The following GBF1 variants were observed in gnomAD, a reference collection of about 807,000 sequenced individuals.
The protein encoded by GBF1 is Golgi-specific brefeldin A-resistance guanine nucleotide exchange factor 1.
A neutral mutation model predicts 210.5 loss-of-function variants in GBF1; 114 were observed. That is an observed-to-expected ratio of 0.54 (90% CI 0.47 to 0.63). The LOEUF is 0.63. Among genes scored for constraint, GBF1 ranks in the 30% least tolerant of loss-of-function variants. The pLI is 0.00. For missense variants in GBF1, 1,851 were observed against 2,357.7 expected, an observed-to-expected ratio of 0.79 and a Z score of 4.45; for synonymous variants, 850 against 889.2, an observed-to-expected ratio of 0.96 and a Z score of 0.78.
chr10:102,370,023 C>T (rs938254653), intron 26 of GBF1, 39 bp downstream of exon 26: 10 of 1,609,876 alleles, frequency 6.2e-6, no homozygotes, highest in Non-Finnish European at 8.5e-6. Context: ...AGCCTAAACA[C>T]CTTCCTATTA....
chr10:102,363,431 A>C lies in GBF1; in HGVS notation c.2017+35A>C. 6.3e-7 allele frequency: 1 copy of C among 1,587,990 alleles called. No individual in the cohort carries two copies. The highest frequency in any genetic ancestry group is 8.6e-7 in the Non-Finnish European group (1 of 1,162,576). The stretch of plus-strand genomic sequence containing the variant: ...GGGTGTCCATGACCCTAAGCTCCTC[A>C]CCTGGAGGGCCTGGTGAAGAGCAGA... On this transcript the variant is annotated intron_variant, in intron 16 of 39. Transcript: ENST00000369983. The surrounding 1 kb of genome is among the most constrained non-coding windows in gnomAD (Gnocchi z 4.2).
chr10:102,379,428 C>T lies in GBF1; in HGVS notation c.4639C>T (p.Leu1547=), dbSNP rs1279752895. The T allele has an allele frequency of 6.2e-7, 1 of 1,614,000 alleles. No individual in the cohort carries two copies. The highest frequency in any genetic ancestry group is 1.3e-5 in the African/African-American group (1 of 74,910). The change falls in exon 34 of 40, where the codon CTG becomes TTG. Residue 1547 remains leucine, a synonymous_variant. Transcript: ENST00000369983. The part of the protein sequence containing the change: ...TLWAHCWCPL[L]QGIACLCCDA... ...CTGGGCCCACTGCTGGTGCCCTTTA[C>T]TGCAGGGTAAACCAGGAGGGGCAGA...
chr10:102,297,901 G>A (rs2077035445), intron 3 of GBF1, among the ~76,000 whole-genome samples: 1 of 152,108 alleles, frequency 6.6e-6, no homozygotes, highest in Non-Finnish European at 1.5e-5. Flanking sequence ...TACCTGGAAT[G>A]AAAGAGTTGA....
At chr10:102,239,704 G>T in the GBF1 span, among the ~76,000 whole-genome samples, 2 of 152,214 alleles carry the variant, frequency 1.3e-5, no homozygotes, top group Non-Finnish European at 2.9e-5. Context: ...ACTTGTCCTT[G>T]TGAAAACTCA....
chr10:102,360,457 G>T (rs2059531362), intron 12 of GBF1, 62 bp downstream of exon 12: 2 of 1,132,074 alleles, frequency 1.8e-6, no homozygotes, highest in South Asian at 1.2e-5. Flanking sequence ...ACACAGGGAG[G>T]TCTGGCTGAT....
At chr10:102,367,270 A>T in intron 20 of GBF1, 60 bp downstream of exon 20, 1 of 1,565,008 alleles carries the variant, frequency 6.4e-7, no homozygotes, top group Non-Finnish European at 8.8e-7. Flanking sequence ...GGTAGCAGGA[A>T]GGACATAGGA....
chr10:102,368,954 A>T (rs2060059895), intron 23 of GBF1, 122 bp downstream of exon 23: 2 of 694,330 alleles, frequency 2.9e-6, no homozygotes, highest in Non-Finnish European at 5.0e-6. Flanking sequence ...CCCCCACTTG[A>T]ATATACCAGA....
At chr10:102,251,211 T>G (rs775118201) in intron 1 of GBF1, among the ~76,000 whole-genome samples, 18 of 152,150 alleles carry the variant, frequency 1.2e-4, no homozygotes, top group Non-Finnish European at 2.2e-4. Flanking sequence ...TAGGTAAATG[T>G]GGGTTCTTTT....
At chr10:102,307,259 T>C (rs1011511127) in intron 3 of GBF1, among the ~76,000 whole-genome samples, 1 of 152,150 alleles carries the variant, frequency 6.6e-6, no homozygotes, top group African/African-American at 2.4e-5. Flanking sequence ...TGCTATTAGA[T>C]GCCAAGAGCC....
chr10:102,353,977 G>A (rs2059150688), intron 8 of GBF1, among the ~76,000 whole-genome samples: 1 of 152,158 alleles, frequency 6.6e-6, no homozygotes, highest in South Asian at 2.1e-4. Context: ...TCAAGACTTA[G>A]CCTTATCCGC....
upstream of GBF1, among the ~76,000 whole-genome samples, chr10:102,244,844 A>G (rs923319374): frequency 1.3e-5 from 2 of 152,152 alleles, no homozygotes; most frequent in African/African-American, 2.4e-5. Context: ...GTTTCCTATA[A>G]TGTAAAATGA....
At chr10:102,373,324 C>G (rs2060314140) in intron 29 of GBF1, among the ~76,000 whole-genome samples, 1 of 152,220 alleles carries the variant, frequency 6.6e-6, no homozygotes, top group African/African-American at 2.4e-5. Flanking sequence ...CCTGTAAGCC[C>G]AGCACTTTGG....
intron 3 of GBF1, among the ~76,000 whole-genome samples, chr10:102,260,473 C>CTTTTTTTT (rs879575033): frequency 0.012 from 919 of 74,586 alleles, 94 homozygotes; most frequent in African/African-American, 0.018. Context: ...ATTTTCCTTT[C>CTTTTTTTT]TTCTTTTTTT....
At chr10:102,348,980 G>A (rs2058755712) in intron 4 of GBF1, among the ~76,000 whole-genome samples, 1 of 151,730 alleles carries the variant, frequency 6.6e-6, no homozygotes, top group Admixed American at 6.6e-5. Context: ...GAAACCCCAT[G>A]TCTATAAAAA....
chr10:102,257,393 C>T (rs991546903), intron 1 of GBF1, among the ~76,000 whole-genome samples: 5 of 152,080 alleles, frequency 3.3e-5, no homozygotes, highest in African/African-American at 4.8e-5. Flanking sequence ...ACTGCAGCCT[C>T]GAACTCCTGA....
At chr10:102,380,404 C>G in intron 37 of GBF1, 42 bp downstream of exon 37, 1 of 1,577,506 alleles carries the variant, frequency 6.3e-7, no homozygotes, top group Non-Finnish European at 8.7e-7. Context: ...CCTGTCCCAC[C>G]TGTTGGAAGG....
At chr10:102,380,427 C>A (rs2060774554) in intron 37 of GBF1, 65 bp downstream of exon 37, 33 of 1,581,088 alleles carry the variant, frequency 2.1e-5, no homozygotes, top group Non-Finnish European at 2.8e-5. Context: ...TTGCCCTTTC[C>A]CCCTTGGTAG....
chr10:102,310,901 A>G (rs1349448095), intron 3 of GBF1, among the ~76,000 whole-genome samples: 1 of 152,238 alleles, frequency 6.6e-6, no homozygotes, highest in Non-Finnish European at 1.5e-5. Flanking sequence ...TGTGGACTTC[A>G]GCATTCCTGG....
chr10:102,345,092 G>A (rs2058445596), intron 4 of GBF1, among the ~76,000 whole-genome samples: 1 of 148,020 alleles, frequency 6.8e-6, no homozygotes, highest in Non-Finnish European at 1.5e-5. Context: ...GACCAGCCTG[G>A]CCAACATGGT....
Sources: gnomAD v4.1 joint callset for allele counts (sites outside exome capture counted in the v4.1 genomes callset) on GRCh38, gnomAD v4.1.1 for gene constraint, Gnocchi (gnomAD v3.1) non-coding constraint, MANE v1.5 for transcripts, NCBI Gene and HGNC (gene_info 2026-07-23, HGNC 2026-07-21) for gene names.